The following EGFR variants were observed in gnomAD, a reference collection of about 807,000 sequenced individuals.
EGFR encodes avian erythroblastic leukemia viral (v-erb-b) oncogene homolog.
A neutral mutation model predicts 143.0 loss-of-function variants in EGFR; 58 were observed. That is an observed-to-expected ratio of 0.41 (90% CI 0.33 to 0.50). EGFR has a LOEUF of 0.50. Among genes scored for constraint, EGFR ranks in the 20% least tolerant of loss-of-function variants. EGFR has a pLI of 0.39. For synonymous variants in EGFR, 613 were observed against 594.4 expected (o/e 1.03, Z -0.45); for missense variants, 1,307 against 1,579.0 (o/e 0.83, Z 2.92).
rs145098003 is a variant in EGFR at position 55,145,599 on chromosome 7, C to T, written c.425-1007C>T. Among the ~76,000 whole-genome samples, 4 of 152,312 alleles carry T rather than the reference C, an allele frequency of 2.6e-5. No homozygotes were observed. In the East Asian group the frequency reaches 7.7e-4, roughly 29 times the overall value. On this transcript the variant is annotated intron_variant, in intron 3 of 27. Transcript: ENST00000275493. ...GCCTCCAGGATCTTCAGGGGTGAAT[C>T]CCTCCTTTCCCACGTTGGTACTCTG...
intron 1 of EGFR, among the ~76,000 whole-genome samples, chr7:55,059,187 A>G (rs1789016410): frequency 6.6e-6 from 1 of 152,260 alleles, no homozygotes; most frequent in African/African-American, 2.4e-5. Context: ...AAAACACACC[A>G]GGAAGCAGAT....
At chr7:55,124,340 T>A (rs1793393180) in intron 1 of EGFR, among the ~76,000 whole-genome samples, 1 of 152,220 alleles carries the variant, frequency 6.6e-6, no homozygotes, top group Non-Finnish European at 1.5e-5. Flanking sequence ...TTGACTAAAT[T>A]ATTCAAAATA....
At chr7:55,056,245 C>T (rs1562674822) in intron 1 of EGFR, among the ~76,000 whole-genome samples, 1 of 152,094 alleles carries the variant, frequency 6.6e-6, no homozygotes. Context: ...GATAGTGAGC[C>T]TCTGTGTATG....
intron 1 of EGFR, among the ~76,000 whole-genome samples, chr7:55,084,846 A>T (rs1242525315): frequency 6.6e-6 from 1 of 152,138 alleles, no homozygotes; most frequent in Non-Finnish European, 1.5e-5. Flanking sequence ...GAGTCCTGAG[A>T]TGCTCTTAGC....
chr7:55,039,385 G>A (rs1392956650), intron 1 of EGFR, among the ~76,000 whole-genome samples: 3 of 152,102 alleles, frequency 2.0e-5, no homozygotes, highest in Non-Finnish European at 1.5e-5. Flanking sequence ...CAGGATGGTG[G>A]AAGCCTGCAG....
At chr7:55,069,096 A>C (rs575927902) in intron 1 of EGFR, among the ~76,000 whole-genome samples, 143 of 152,364 alleles carry the variant, frequency 9.4e-4, no homozygotes, top group Non-Finnish European at 1.5e-3. Flanking sequence ...GACTGATTAC[A>C]GAGATGAGTA....
intron 1 of EGFR, among the ~76,000 whole-genome samples, chr7:55,138,920 T>A (rs1162727654): frequency 6.6e-6 from 1 of 152,200 alleles, no homozygotes; most frequent in African/African-American, 2.4e-5. Flanking sequence ...CAAGAGAGCA[T>A]GCATGTGAGG....
chr7:55,158,326 G>A (rs1408923713), intron 11 of EGFR, among the ~76,000 whole-genome samples: 5 of 152,210 alleles, frequency 3.3e-5, no homozygotes, highest in Non-Finnish European at 7.3e-5. Flanking sequence ...TGGTGTGGAG[G>A]AGGAGATGGG....
At chr7:55,129,512 T>A (rs900203016) in intron 1 of EGFR, among the ~76,000 whole-genome samples, 9 of 152,210 alleles carry the variant, frequency 5.9e-5, no homozygotes, top group African/African-American at 2.2e-4. Flanking sequence ...TCACTCAGAA[T>A]GGTCCAGGAG....
At chr7:55,163,147 A>G (rs7781264) in intron 13 of EGFR, among the ~76,000 whole-genome samples, 96,890 of 152,140 alleles carry the variant, frequency 0.64, 32,253 homozygotes, top group East Asian at 1. Context: ...GGGTAGAACT[A>G]TGCTTGACTA....
chr7:55,068,062 G>A lies in EGFR; in HGVS notation c.88+48697G>A, dbSNP rs763342648. On this transcript the variant is annotated intron_variant, in intron 1 of 27. Coordinates refer to ENST00000275493, the MANE Select transcript of EGFR (RefSeq NM_005228.5). ...TGTGTATGTGTGTACATGTATGTAC[G>A]CGTGTGCATACGTGTGTGTGTGTGC... Among the ~76,000 whole-genome samples the A allele has an allele frequency of 7.7e-5, 10 of 130,202 alleles. No individual in the cohort carries two copies. In the East Asian group the frequency reaches 1.3e-3, roughly 16 times the overall value. 85.4% of individuals were successfully genotyped at this position (130,202 alleles called of 152,430 possible). A position where few individuals can be genotyped will look rare whatever the true frequency, so the allele number is the denominator to read the frequency against.
In EGFR at chr7:55,160,214, T is replaced by C. The variant is rs146711874; in HGVS notation, c.1374T>C (p.Asp458=). Residue 458 remains aspartate, a synonymous_variant, in exon 12 of 28, where the codon GAT becomes GAC. Coordinates refer to ENST00000275493, the MANE Select transcript of EGFR (RefSeq NM_005228.5). ...LGLRSLKEIS[D]GDVIISGNKN... ...TACGCTCCCTCAAGGAGATAAGTGA[T>C]GGAGATGTGATAATTTCAGGAAACA... 3 of 1,614,088 alleles carry C rather than the reference T, an allele frequency of 1.9e-6. No homozygotes were observed. Among genetic ancestry groups the C allele is most frequent in the East Asian group, 2.2e-5 (1 of 44,874 alleles).
intron 22 of EGFR, among the ~76,000 whole-genome samples, chr7:55,196,678 T>C (rs189738414): frequency 6.6e-6 from 1 of 152,346 alleles, no homozygotes; most frequent in African/African-American, 2.4e-5. Context: ...CTTTAATCCA[T>C]GTTGAGTTTA....
rs61541412 is a variant in EGFR at position 55,196,178 on chromosome 7, A to ATTTTTTTTTTTTTTTTTTTT, written c.2702-2524_2702-2523insTTTTTTTTTTTTTTTTTTTT. Among the ~76,000 whole-genome samples, 869 of 87,936 alleles carry ATTTTTTTTTTTTTTTTTTTT rather than the reference A, an allele frequency of 9.9e-3. 72 individuals carry two copies. The highest frequency in any genetic ancestry group is 0.034 in the African/African-American group (687 of 20,228). 57.7% of individuals were successfully genotyped at this position (87,936 alleles called of 152,430 possible). On this transcript the variant is annotated intron_variant, in intron 22 of 27. Transcript: ENST00000275493. ...CACAACCTCACCAGCATGTGTTGGG[A>ATTTTTTTTTTTTTTTTTTTT]TTTTTTTTTTTTTTTACTTTTCAAT...
Position 55,170,517 on chromosome 7 carries a change from G to A in EGFR, c.1881-658G>A, listed in dbSNP as rs1584217100. The A allele has an allele frequency of 6.2e-7, 1 of 1,613,636 alleles. No homozygotes were observed. Among genetic ancestry groups the A allele is most frequent in the Non-Finnish European group, 8.5e-7 (1 of 1,180,034 alleles). Reference sequence around the variant, plus strand: ...TCCATGCCTGGCCTTCTGCATCTGTGATCATCACGGCCTCCTCCTGCCACT... The same window carrying A: ...TCCATGCCTGGCCTTCTGCATCTGTAATCATCACGGCCTCCTCCTGCCACT... On this transcript the variant is annotated intron_variant, in intron 15 of 27. Transcript: ENST00000275493.
rs923258419 is a variant in EGFR at position 55,067,998 on chromosome 7, G to A, written c.88+48633G>A. On this transcript the variant is annotated intron_variant, in intron 1 of 27. Transcript: ENST00000275493. Reference sequence around the variant, plus strand: ...CGTGTGTGTGCATGTGTGTATATGTGTGTCTGTGGGCACAGGTGTGCCTGT... The same window carrying A: ...CGTGTGTGTGCATGTGTGTATATGTATGTCTGTGGGCACAGGTGTGCCTGT... 5.3e-5 allele frequency among the ~76,000 whole-genome samples: 8 copies of A among 151,070 alleles called. 2 individuals are homozygous for A. Among genetic ancestry groups the A allele is most frequent in the African/African-American group, 2.0e-4 (8 of 40,464 alleles).
At chr7:55,181,625 A>G (rs920432145) in intron 20 of EGFR, 147 bp downstream of exon 20, 11 of 928,314 alleles carry the variant, frequency 1.2e-5, no homozygotes, top group African/African-American at 9.7e-5. Context: ...TTTGGATTCA[A>G]TCAAGTTGAT....
intron 27 of EGFR, among the ~76,000 whole-genome samples, chr7:55,203,413 CACA>C (rs1787951154): frequency 7.6e-5 from 9 of 117,988 alleles, no homozygotes; most frequent in Admixed American, 7.5e-4. Flanking sequence ...CACACGTACA[CACA>C]ACACACAACA....
At chr7:55,075,792 T>A (rs987368876) in intron 1 of EGFR, among the ~76,000 whole-genome samples, 5 of 152,120 alleles carry the variant, frequency 3.3e-5, no homozygotes, top group African/African-American at 1.2e-4. Flanking sequence ...TTTCAGTTGA[T>A]TTGTAAATAA....
Sources: allele counts gnomAD v4.1 joint callset (sites outside exome capture counted in the v4.1 genomes callset), GRCh38; gene constraint gnomAD v4.1.1; transcripts MANE v1.5; gene names NCBI Gene and HGNC (gene_info 2026-07-23, HGNC 2026-07-21).